Variants in PCDHA3 observed in about 807,000 individuals in gnomAD.
PCDHA3 encodes the protein protocadherin alpha-3.
A neutral mutation model predicts 62.2 loss-of-function variants in PCDHA3; 41 were observed. That is an observed-to-expected ratio of 0.66 (90% CI 0.51 to 0.86). PCDHA3 has a LOEUF of 0.86. Among genes scored for constraint, PCDHA3 ranks in the 40% least tolerant of loss-of-function variants. PCDHA3 has a pLI of 0.00. For missense variants in PCDHA3, 1,304 were observed against 1,241.2 expected (o/e 1.05, Z -0.76); for synonymous variants, 640 against 555.4 (o/e 1.15, Z -2.14).
At chr5:140,848,653 GGCTGGA>G (rs2150416251) in intron 1 of PCDHA3, 2 of 1,592,726 alleles carry the variant, frequency 1.3e-6, no homozygotes, top group Non-Finnish European at 1.7e-6. Context: ...CAGGACCTGG[GGCTGGA>G]GCTGGCGGAG....
chr5:140,979,411 T>C (rs1422593406), intron 2 of PCDHA3, among the ~76,000 whole-genome samples: 1 of 152,204 alleles, frequency 6.6e-6, no homozygotes, highest in Non-Finnish European at 1.5e-5. Flanking sequence ...CTACCTTGTT[T>C]TTTTTTTAAT....
At chr5:141,004,378 G>A (rs914260481) in intron 3 of PCDHA3, among the ~76,000 whole-genome samples, 3 of 152,198 alleles carry the variant, frequency 2.0e-5, no homozygotes, top group Admixed American at 6.5e-5. Context: ...TCTGCTCTGC[G>A]GAAGCTGGAC....
At chr5:140,844,738 A>G (rs1554140712) in intron 1 of PCDHA3, among the ~76,000 whole-genome samples, 2 of 149,560 alleles carry the variant, frequency 1.3e-5, no homozygotes, top group African/African-American at 4.9e-5. Context: ...AATATTTAGT[A>G]TTATGGGATA....
chr5:140,860,441 A>T (rs1038700248), intron 1 of PCDHA3: 3 of 152,166 alleles, frequency 2.0e-5, no homozygotes, highest in African/African-American at 4.8e-5. Context: ...GATCTTTTTC[A>T]TATTAATTCA....
chr5:140,835,125 A>G, intron 1 of PCDHA3: 1 of 1,331,534 alleles, frequency 7.5e-7, no homozygotes, highest in South Asian at 1.4e-5. Flanking sequence ...AACCCTGTAT[A>G]CGGTGAAATT....
At chr5:140,999,263 A>G (rs566864160) in intron 3 of PCDHA3, among the ~76,000 whole-genome samples, 3 of 152,346 alleles carry the variant, frequency 2.0e-5, no homozygotes, top group East Asian at 1.9e-4. Context: ...TAGTAAAGGA[A>G]TACTGCATAG....
chr5:140,870,801 G>T (rs1210285882), intron 1 of PCDHA3: 6 of 1,613,670 alleles, frequency 3.7e-6, no homozygotes, highest in Non-Finnish European at 5.1e-6. Context: ...CACTGCTGGC[G>T]ACTCAGGCTG....
chr5:140,910,708 A>G (rs1227801513), intron 1 of PCDHA3, among the ~76,000 whole-genome samples: 2 of 152,164 alleles, frequency 1.3e-5, no homozygotes, highest in African/African-American at 4.8e-5. Context: ...ACAGTGGGCC[A>G]TCTTTTAATC....
intron 1 of PCDHA3, chr5:140,808,907 G>A: frequency 2.5e-6 from 4 of 1,613,576 alleles, no homozygotes; most frequent in South Asian, 2.2e-5. Context: ...GGGTGGCACT[G>A]GTGGCGCAGT....
chr5:140,801,679 A>C lies in PCDHA3; in HGVS notation c.482A>C (p.Asp161Ala), dbSNP rs781947710. The C allele has an allele frequency of 1.1e-5, 17 of 1,614,086 alleles. 1 individual carries two copies. The South Asian group carries it at 1.8e-4, about 17-fold the overall frequency. Reference protein sequence around the residue: ...RFSLEGASDADIGTNSLLTYS... With the variant: ...RFSLEGASDAAIGTNSLLTYS... ...TCGCTAGAGGGCGCATCAGATGCAG[A>C]TATCGGAACAAATTCGTTGTTGACT... Residue 161 changes from aspartate to alanine, a missense_variant, in exon 1 of 4, where the codon GAT becomes GCT. Asp to Ala is a moderately radical substitution (Grantham distance 126, BLOSUM62 -2). Transcript: ENST00000522353.
In PCDHA3 at chr5:140,849,837, G is replaced by A. The variant is rs2150452785; in HGVS notation, c.2394+46246G>A. The A allele has an allele frequency of 9.4e-6, 15 of 1,598,674 alleles. 2 individuals are homozygous for A. The Admixed American group carries it at 2.0e-4, about 22-fold the overall frequency. On this transcript the variant is annotated intron_variant, in intron 1 of 3. Coordinates refer to ENST00000522353, the MANE Select transcript of PCDHA3 (RefSeq NM_018906.3). ...CAGGGTGTCTGTGGAGGTGGCCGAC[G>A]TGAACGACAACGCACCAGCGTTCGC...
intron 1 of PCDHA3, chr5:140,928,426 TC>T (rs781827449): frequency 1.9e-6 from 3 of 1,614,134 alleles, no homozygotes; most frequent in South Asian, 2.2e-5. Context: ...TGCCAAAACT[TC>T]CTTTGACTTT....
chr5:140,959,116 G>A (rs2095468018), intron 1 of PCDHA3, among the ~76,000 whole-genome samples: 1 of 152,002 alleles, frequency 6.6e-6, no homozygotes, highest in South Asian at 2.1e-4. Context: ...TCCGAAGGTG[G>A]GCGAGGTGAG....
chr5:140,900,101 T>C (rs2067753417), intron 1 of PCDHA3, among the ~76,000 whole-genome samples: 1 of 152,180 alleles, frequency 6.6e-6, no homozygotes, highest in African/African-American at 2.4e-5. Flanking sequence ...TGCGCCACCA[T>C]ACCTGGCCTT....
intron 1 of PCDHA3, among the ~76,000 whole-genome samples, chr5:140,806,162 G>T (rs1554123544): frequency 6.6e-6 from 1 of 152,028 alleles, no homozygotes; most frequent in African/African-American, 2.4e-5. Context: ...TATAAAATGG[G>T]GTAAATTGGC....
In PCDHA3 at chr5:140,802,241, T is replaced by C. The variant is rs1554121966; in HGVS notation, c.1044T>C (p.Pro348=). The C allele has an allele frequency of 6.2e-6, 10 of 1,614,244 alleles. No homozygotes were observed. Among genetic ancestry groups the C allele is most frequent in the Non-Finnish European group, 8.5e-6 (10 of 1,180,040 alleles). Residue 348 remains proline, a synonymous_variant, in exon 1 of 4, where the codon CCT becomes CCC. Coordinates refer to ENST00000522353, the MANE Select transcript of PCDHA3 (RefSeq NM_018906.3). ...TTGTGGACATCAATGATAATGTACC[T>C]GAGTTAGTTATTCAATCACTATCTT... ...LEIVDINDNV[P]ELVIQSLSLP...
intron 1 of PCDHA3, chr5:140,816,983 G>C (rs1766039498): frequency 6.6e-6 from 1 of 152,006 alleles, no homozygotes; most frequent in Non-Finnish European, 1.5e-5. Context: ...CTAAAATTCA[G>C]GAACTTTGGA....
intron 1 of PCDHA3, chr5:140,850,438 T>C (rs1554144332): frequency 6.3e-7 from 1 of 1,597,768 alleles, no homozygotes; most frequent in Admixed American, 1.7e-5. Flanking sequence ...CAGCGCCTAC[T>C]GGTGCTGGTG....
rs2150397998 is a variant in PCDHA3, at chr5:140,847,199, C to T, written c.2394+43608C>T. On this transcript the variant is annotated intron_variant, in intron 1 of 3. Coordinates refer to ENST00000522353, the MANE Select transcript of PCDHA3 (RefSeq NM_018906.3). ...GGCCATGAGTGATTAAGGAATTTGGCCACTCTTTAGAATTAATTGGGAGCT... is the reference window on the plus strand; with the variant it reads ...GGCCATGAGTGATTAAGGAATTTGGTCACTCTTTAGAATTAATTGGGAGCT... Among the ~76,000 whole-genome samples the T allele has an allele frequency of 2.7e-5, 4 of 149,538 alleles. No homozygotes were observed. In the East Asian group the frequency reaches 7.8e-4, roughly 29 times the overall value.
Sources: allele counts gnomAD v4.1 joint callset (sites outside exome capture counted in the v4.1 genomes callset), GRCh38; gene constraint gnomAD v4.1.1; transcripts MANE v1.5; gene names NCBI Gene and HGNC (gene_info 2026-07-23, HGNC 2026-07-21).